The following CFAP54 variants were observed in gnomAD, a reference collection of about 807,000 sequenced individuals.
CFAP54 encodes the protein cilia and flagella associated protein 54.
Under a neutral mutation model 370.4 loss-of-function variants are expected in CFAP54, and 290 were observed. The observed-to-expected ratio is 0.78, with a 90% CI of 0.71 to 0.86. The LOEUF (loss-of-function observed/expected upper bound fraction) is 0.86. Among genes scored for constraint, CFAP54 ranks in the 40% least tolerant of loss-of-function variants. CFAP54 has a pLI of 0.00. For missense variants in CFAP54, 3,399 were observed against 3,528.7 expected (o/e 0.96, Z 0.93); for synonymous variants, 1,206 against 1,236.5 (o/e 0.98, Z 0.52).
chr12:96,761,932 A>G (rs1030862722), intron 58 of CFAP54, among the ~76,000 whole-genome samples: 1 of 152,078 alleles, frequency 6.6e-6, no homozygotes, highest in Non-Finnish European at 1.5e-5. Context: ...TTCCAACTAT[A>G]TTCTTCCTTT....
intron 15 of CFAP54, among the ~76,000 whole-genome samples, chr12:96,551,297 A>T (rs1015771590): frequency 6.6e-6 from 1 of 150,916 alleles, no homozygotes; most frequent in Non-Finnish European, 1.5e-5. Context: ...ACCCAAAAAA[A>T]CCCGCCTCTG....
intron 39 of CFAP54, among the ~76,000 whole-genome samples, chr12:96,674,527 T>C (rs1957182183): frequency 6.6e-6 from 1 of 151,910 alleles, no homozygotes; most frequent in South Asian, 2.1e-4. Context: ...TTTGCATCAT[T>C]TATCTCATGT....
At chr12:96,658,488 A>G in intron 38 of CFAP54, 142 bp downstream of exon 38, 1 of 1,072,520 alleles carries the variant, frequency 9.3e-7, no homozygotes, top group Non-Finnish European at 1.3e-6. Context: ...ATTCAAATCA[A>G]CAAACATTAT....
chr12:96,683,116 A>C (rs1466927514), intron 40 of CFAP54, among the ~76,000 whole-genome samples: 1 of 152,214 alleles, frequency 6.6e-6, no homozygotes, highest in Non-Finnish European at 1.5e-5. Context: ...TATTCTTCTT[A>C]TACACATTAT....
chr12:96,498,894 G>A (rs1954989830), intron 1 of CFAP54, among the ~76,000 whole-genome samples: 1 of 152,144 alleles, frequency 6.6e-6, no homozygotes, highest in African/African-American at 2.4e-5. Flanking sequence ...ATAAAGGACT[G>A]TTGTCCAAAA....
intron 60 of CFAP54, among the ~76,000 whole-genome samples, chr12:96,777,846 G>A (rs1349237820): frequency 6.6e-6 from 1 of 152,118 alleles, no homozygotes; most frequent in Non-Finnish European, 1.5e-5. Context: ...ATTTGTTCCA[G>A]GATAAACCAT....
chr12:96,639,055 T>C (rs1354682823), intron 32 of CFAP54, among the ~76,000 whole-genome samples: 1 of 152,336 alleles, frequency 6.6e-6, no homozygotes, highest in African/African-American at 2.4e-5. Context: ...TGTTGCTTTC[T>C]CTTGTGGGCA....
rs760089375 is a variant in CFAP54, at chr12:96,625,833, T to C, written c.3976+26T>C. 9.8e-6 allele frequency: 14 copies of C among 1,424,948 alleles called. 1 individual carries two copies. The African/African-American group carries it at 1.7e-4, about 17-fold the overall frequency. The allele number at this position is 1,424,948 out of a possible 1,614,324, so 88.3% of individuals were successfully genotyped here. ...GTAGGTGAACTGGATGTGTATATGC[T>C]GTTCACTCGATTTATCACTGAAGAG... On this transcript the variant is annotated intron_variant, in intron 29 of 67. Transcript: ENST00000524981.
chr12:96,768,322 A>G (rs544942548), intron 60 of CFAP54, among the ~76,000 whole-genome samples: 32 of 152,146 alleles, frequency 2.1e-4, no homozygotes, highest in African/African-American at 7.2e-4. Context: ...CTCTGTCTCA[A>G]AAAATAAAAT....
chr12:96,740,903 C>T (rs1958043307), intron 51 of CFAP54, among the ~76,000 whole-genome samples: 1 of 152,162 alleles, frequency 6.6e-6, no homozygotes, highest in South Asian at 2.1e-4. Context: ...AGTTGCTAAA[C>T]TTCCTTTAAT....
rs542009749 is a variant in CFAP54, at chr12:96,624,505, A to C, written c.3886+624A>C. Reference sequence around the variant, plus strand: ...TACTGTAGTAATTTCATAATAAACCAATGTGTTAATGCAATGATTGGTATT... The same window carrying C: ...TACTGTAGTAATTTCATAATAAACCCATGTGTTAATGCAATGATTGGTATT... On this transcript the variant is annotated intron_variant, in intron 28 of 67. Transcript: ENST00000524981. Among the ~76,000 whole-genome samples the C allele has an allele frequency of 3.9e-5, 6 of 152,350 alleles. No homozygotes were observed. In the South Asian group the frequency reaches 1.2e-3, roughly 32 times the overall value.
intron 42 of CFAP54, among the ~76,000 whole-genome samples, chr12:96,686,848 A>G (rs1314295538): frequency 2.0e-5 from 3 of 152,206 alleles, no homozygotes; most frequent in Admixed American, 1.3e-4. Context: ...CCCATAATAC[A>G]TACTGTATTA....
chr12:96,656,111 TAAA>T (rs1956919928), intron 36 of CFAP54, among the ~76,000 whole-genome samples: 1 of 152,162 alleles, frequency 6.6e-6, no homozygotes, highest in South Asian at 2.1e-4. Flanking sequence ...TTTTCTTTAA[TAAA>T]AAGTTTTTAA....
intron 28 of CFAP54, among the ~76,000 whole-genome samples, chr12:96,624,277 C>G (rs1956529147): frequency 6.6e-6 from 1 of 152,122 alleles, no homozygotes. Flanking sequence ...GCACACCACC[C>G]CCTAGTTGTG....
At chr12:96,522,231 A>G in intron 8 of CFAP54, 42 bp downstream of exon 8, 1 of 1,331,496 alleles carries the variant, frequency 7.5e-7, no homozygotes, top group South Asian at 1.3e-5. Context: ...CTCTTTTTGC[A>G]GTATATTTGT....
At chr12:96,491,370 A>G (rs190688233) in intron 1 of CFAP54, among the ~76,000 whole-genome samples, 1 of 152,216 alleles carries the variant, frequency 6.6e-6, no homozygotes, top group Non-Finnish European at 1.5e-5. Context: ...GATGTGATTC[A>G]GCATCCAGGT....
At chr12:96,688,487 G>A (rs1044154486) in intron 42 of CFAP54, among the ~76,000 whole-genome samples, 1 of 152,088 alleles carries the variant, frequency 6.6e-6, no homozygotes, top group Admixed American at 6.6e-5. Context: ...CCTCAGCATT[G>A]GAAAATGCCA....
intron 66 of CFAP54, among the ~76,000 whole-genome samples, chr12:96,856,552 C>T (rs1381938569): frequency 1.3e-5 from 2 of 152,186 alleles, no homozygotes; most frequent in Non-Finnish European, 2.9e-5. Flanking sequence ...TAAAGCATAA[C>T]AAGAGTCACC....
At chr12:96,598,810 C>T (rs540455325) in intron 26 of CFAP54, 43 bp downstream of exon 26, 255 of 452,352 alleles carry the variant, frequency 5.6e-4, no homozygotes, top group African/African-American at 4.3e-3. Flanking sequence ...TATTTAGGAG[C>T]GATGATGATT....
Sources: gnomAD v4.1 joint callset for allele counts (sites outside exome capture counted in the v4.1 genomes callset) on GRCh38, gnomAD v4.1.1 for gene constraint, MANE v1.5 for transcripts, NCBI Gene and HGNC (gene_info 2026-07-23, HGNC 2026-07-21) for gene names.